Variants in LSM4 observed in about 807,000 individuals in gnomAD.
LSM4 encodes LSM4 homolog, U6 small nuclear RNA and mRNA degradation associated, also known as U6 snRNA-associated Sm-like protein LSm4.
In LSM4, 15 loss-of-function variants were observed where a neutral mutation model predicts 22.3. That is an observed-to-expected ratio of 0.67 (90% CI 0.45 to 1.03). The LOEUF (loss-of-function observed/expected upper bound fraction) is 1.03, where lower values mean the gene tolerates loss of function less well. LSM4 is among the 50% of genes least tolerant of loss of function. The pLI is 0.00. For missense variants in LSM4, 127 were observed against 198.0 expected, an observed-to-expected ratio of 0.64 and a Z score of 2.15; for synonymous variants, 90 against 79.8, an observed-to-expected ratio of 1.13 and a Z score of -0.68.
chr19:18,307,385 T>C lies in LSM4; in HGVS notation c.*79A>G, dbSNP rs1970238746. Reference sequence around the variant, plus strand: ...CCCCTGGCGCCTGCCTCTTCCTTTCTGAGCAGATCCGTCCGAGACTGTGGA... The same window carrying C: ...CCCCTGGCGCCTGCCTCTTCCTTTCCGAGCAGATCCGTCCGAGACTGTGGA... On this transcript the variant is annotated 3_prime_UTR_variant, in exon 5 of 5. Transcript: ENST00000593829. 8.3e-7 allele frequency: 1 copy of C among 1,200,274 alleles called. No homozygotes were observed. The highest frequency in any genetic ancestry group is 1.1e-6 in the Non-Finnish European group (1 of 923,224). The allele number at this position is 1,200,274 out of a possible 1,614,324, so 74.4% of individuals were successfully genotyped here.
At chr19:18,315,137 A>G (rs1970340958) in intron 2 of LSM4, among the ~76,000 whole-genome samples, 1 of 151,924 alleles carries the variant, frequency 6.6e-6, no homozygotes, top group African/African-American at 2.4e-5. Flanking sequence ...TCGGCCTCCC[A>G]AAGTGCTGGG....
chr19:18,312,771 G>A, intron 2 of LSM4, 69 bp from the exon 3 acceptor site: 1 of 1,205,716 alleles, frequency 8.3e-7, no homozygotes, highest in South Asian at 1.2e-5. Flanking sequence ...CTCAGGAGGT[G>A]TAGCTCTGCC....
rs1245030661 is a variant in LSM4 at position 18,307,214 on chromosome 19, T to C, written c.*250A>G. ...CTTGAAAGATGCCTTCAACACAGAC[T>C]CTTCTAGGAATCCAGCCAGTTTTGG... On this transcript the variant is annotated 3_prime_UTR_variant, in exon 5 of 5. Transcript: ENST00000593829. 1.7e-5 allele frequency: 7 copies of C among 404,878 alleles called. No homozygotes were observed. Among genetic ancestry groups the C allele is most frequent in the African/African-American group, 6.2e-5 (3 of 48,474 alleles). 25.1% of individuals were successfully genotyped at this position (404,878 alleles called of 1,614,324 possible).
chr19:18,313,745 G>A (rs999474229), intron 2 of LSM4, among the ~76,000 whole-genome samples: 3 of 152,094 alleles, frequency 2.0e-5, no homozygotes, highest in Non-Finnish European at 4.4e-5. Context: ...CAAACTCCTG[G>A]GCTCAAGTGA....
At chr19:18,311,291 G>T (rs1970295027) in intron 3 of LSM4, among the ~76,000 whole-genome samples, 1 of 152,142 alleles carries the variant, frequency 6.6e-6, no homozygotes, top group Non-Finnish European at 1.5e-5. Flanking sequence ...TCTGCATCCT[G>T]CGGCCTGCCT....
chr19:18,315,930 A>G, intron 2 of LSM4, 94 bp downstream of exon 2: 1 of 1,129,398 alleles, frequency 8.9e-7, no homozygotes, highest in Non-Finnish European at 1.3e-6. Context: ...ATGCTGGTGG[A>G]CAGGCAGGCC....
At chr19:18,322,967 C>T in intron 1 of LSM4, 51 bp downstream of exon 1, 1 of 1,588,818 alleles carries the variant, frequency 6.3e-7, no homozygotes. Context: ...GGGATCCCAA[C>T]GACTGCTGTT....
chr19:18,319,195 T>C lies in LSM4; in HGVS notation c.4-3130A>G, dbSNP rs147852371. On this transcript the variant is annotated intron_variant, in intron 1 of 4. Transcript: ENST00000593829. Reference sequence around the variant, plus strand: ...AGGCAGAGGTTGCAGTGAGCCAAGATTGCGCCACTGCACTCCAGCCTGGGC... The same window carrying C: ...AGGCAGAGGTTGCAGTGAGCCAAGACTGCGCCACTGCACTCCAGCCTGGGC... 4.4e-3 allele frequency among the ~76,000 whole-genome samples: 666 copies of C among 151,556 alleles called. 3 individuals carry two copies. Among genetic ancestry groups the C allele is most frequent in the African/African-American group, 0.015 (633 of 41,158 alleles).
intron 1 of LSM4, 76 bp from the exon 2 acceptor site, chr19:18,316,141 G>A (rs763314973): frequency 1.2e-5 from 16 of 1,348,652 alleles, no homozygotes; most frequent in Admixed American, 5.3e-5. Context: ...TCCCACCCAT[G>A]ACTCATAGAT....
intron 4 of LSM4, among the ~76,000 whole-genome samples, chr19:18,308,260 C>T (rs1487228625): frequency 4.6e-5 from 7 of 152,158 alleles, no homozygotes; most frequent in African/African-American, 1.4e-4. Context: ...CACGCCTGTC[C>T]CCACACCCTC....
intron 2 of LSM4, among the ~76,000 whole-genome samples, chr19:18,315,714 A>G (rs1270147958): frequency 6.6e-6 from 1 of 150,480 alleles, no homozygotes; most frequent in Non-Finnish European, 1.5e-5. Flanking sequence ...GCTAATTTTA[A>G]GTTTTTCTTC....
chr19:18,321,571 G>A, intron 1 of LSM4, among the ~76,000 whole-genome samples: 1 of 152,150 alleles, frequency 6.6e-6, no homozygotes, highest in Non-Finnish European at 1.5e-5. Context: ...CTTGCCTGGG[G>A]ACCAGTCTGC....
At chr19:18,309,412 A>C (rs767792825) in intron 4 of LSM4, 2 of 520,842 alleles carry the variant, frequency 3.8e-6, no homozygotes, top group Non-Finnish European at 6.7e-6. Context: ...GGGCACCACC[A>C]TACCCTCTCA....
Position 18,307,805 on chromosome 19 carries a change from G to A in LSM4, c.329-250C>T, listed in dbSNP as rs903045903. Among the ~76,000 whole-genome samples the A allele has an allele frequency of 1.4e-4, 21 of 150,422 alleles. 1 individual carries two copies. The highest frequency in any genetic ancestry group is 4.7e-4 in the African/African-American group (19 of 40,638). ...GGGATGCGGGGGGGGGGGACTAGGC[G>A]ACAGAGGACACTAAGTCACATTGGG... On this transcript the variant is annotated intron_variant, in intron 4 of 4. Transcript: ENST00000593829.
At position 18,307,947 on chromosome 19, in the gene LSM4, CG is replaced by C. The variant is rs145944198; in HGVS notation, c.329-393del. Among the ~76,000 whole-genome samples, 795 of 120,758 alleles carry C rather than the reference CG, an allele frequency of 6.6e-3. 5 individuals are homozygous for C. The highest frequency in any genetic ancestry group is 0.011 in the Admixed American group (138 of 12,064). 79.2% of individuals were successfully genotyped at this position (120,758 alleles called of 152,430 possible). The stretch of plus-strand genomic sequence containing the variant: ...GTAGGCCAGGCTGGGGGCTCCCTGG[CG>C]GGGGGGGGGCCTCCTATGCGCCACA... On this transcript the variant is annotated intron_variant, in intron 4 of 4. Transcript: ENST00000593829.
intron 4 of LSM4, 145 bp downstream of exon 4, chr19:18,309,533 C>A: frequency 1.2e-6 from 1 of 856,230 alleles, no homozygotes; most frequent in Non-Finnish European, 1.7e-6. Context: ...GCCTGGGCCT[C>A]GGCTCATGGC....
At chr19:18,308,018 G>A (rs1353442211) in intron 4 of LSM4, among the ~76,000 whole-genome samples, 1 of 151,970 alleles carries the variant, frequency 6.6e-6, no homozygotes, top group African/African-American at 2.4e-5. Context: ...AAAACAGAAA[G>A]AGGGATTTCT....
rs1001923011 is a variant in LSM4 at position 18,307,121 on chromosome 19, C to T, written c.*343G>A. The T allele has an allele frequency of 7.2e-5, 17 of 236,896 alleles. No homozygotes were observed. Among genetic ancestry groups the T allele is most frequent in the Middle Eastern group, 1.3e-3 (1 of 770 alleles). The allele number at this position is 236,896 out of a possible 1,614,324, so 14.7% of individuals were successfully genotyped here. On this transcript the variant is annotated 3_prime_UTR_variant, in exon 5 of 5. Coordinates refer to ENST00000593829, the MANE Select transcript of LSM4 (RefSeq NM_012321.5). The stretch of plus-strand genomic sequence containing the variant: ...AAAAATCTCCCGTCTGGTTGCTGCT[C>T]GGAGAGGCTCCAAGAAATGCAAAAC...
intron 4 of LSM4, chr19:18,309,330 G>C (rs1970270380): frequency 3.3e-6 from 1 of 301,364 alleles, no homozygotes; most frequent in Non-Finnish European, 6.1e-6. Context: ...ATCTCCGGTG[G>C]GGGCGGGCGA....
Sources: allele counts gnomAD v4.1 joint callset (sites outside exome capture counted in the v4.1 genomes callset), GRCh38; gene constraint gnomAD v4.1.1; transcripts MANE v1.5; gene names NCBI Gene and HGNC (gene_info 2026-07-23, HGNC 2026-07-21).